CNTNAP2: variants seen among roughly 807,000 people sequenced by gnomAD.
CNTNAP2 encodes contactin associated protein 2, also known as contactin-associated protein-like 2.
In CNTNAP2, 98 loss-of-function variants were observed where a neutral mutation model predicts 155.2. That is an observed-to-expected ratio of 0.63 (90% CI 0.54 to 0.75). The LOEUF (loss-of-function observed/expected upper bound fraction) is 0.75, where lower values mean the gene tolerates loss of function less well. CNTNAP2 is among the 30% of genes least tolerant of loss of function. The probability of loss-of-function intolerance (pLI) is 0.00; values close to 1 mark genes in which losing one functional copy is unlikely to be tolerated. For synonymous variants in CNTNAP2, 651 were observed against 631.2 expected, an observed-to-expected ratio of 1.03 and a Z score of -0.47; for missense variants, 1,727 against 1,688.1, an observed-to-expected ratio of 1.02 and a Z score of -0.40.
intron 11 of CNTNAP2, among the ~76,000 whole-genome samples, chr7:147,491,754 A>G (rs1798613526): frequency 6.6e-6 from 1 of 152,354 alleles, no homozygotes; most frequent in Admixed American, 6.5e-5. Context: ...TGAAGCTATA[A>G]GGAGAGAGTA....
chr7:147,508,600 G>T (rs1798957560), intron 11 of CNTNAP2, among the ~76,000 whole-genome samples: 1 of 152,156 alleles, frequency 6.6e-6, no homozygotes, highest in African/African-American at 2.4e-5. Context: ...TTCTTTGGCT[G>T]TGTCCCCACC....
intron 1 of CNTNAP2, among the ~76,000 whole-genome samples, chr7:146,246,155 T>C (rs934332159): frequency 7.3e-5 from 11 of 151,558 alleles, no homozygotes; most frequent in African/African-American, 2.7e-4. Context: ...GTAAGGGTGA[T>C]TAGGTTTTAA....
intron 15 of CNTNAP2, among the ~76,000 whole-genome samples, chr7:148,114,182 A>G (rs1381680269): frequency 3.3e-5 from 5 of 152,230 alleles, no homozygotes; most frequent in Non-Finnish European, 5.9e-5. Context: ...GTATTGTTCA[A>G]TGAAGTCTAT....
intron 10 of CNTNAP2, among the ~76,000 whole-genome samples, chr7:147,450,546 CTGATGAGTTTGTGGCAATTTGT>C (rs1797814543): frequency 6.6e-6 from 1 of 152,116 alleles, no homozygotes; most frequent in African/African-American, 2.4e-5. Flanking sequence ...TGGTTTTAAG[CTGATGAGTTTGTGGCAATTTGT>C]TATACAGCAA....
chr7:146,233,069 G>T (rs1300747836), intron 1 of CNTNAP2, among the ~76,000 whole-genome samples: 2 of 151,998 alleles, frequency 1.3e-5, no homozygotes, highest in African/African-American at 2.4e-5. Context: ...AATCCCAATT[G>T]ATCCTGCAAA....
At chr7:146,240,511 T>C (rs955728637) in intron 1 of CNTNAP2, among the ~76,000 whole-genome samples, 7 of 151,682 alleles carry the variant, frequency 4.6e-5, no homozygotes, top group Non-Finnish European at 1.0e-4. Flanking sequence ...TGTCTTATGC[T>C]TATGTACATT....
chr7:148,254,846 A>G (rs968056431), intron 20 of CNTNAP2, among the ~76,000 whole-genome samples: 3 of 150,420 alleles, frequency 2.0e-5, no homozygotes, highest in East Asian at 2.0e-4. Context: ...GTTAATATCT[A>G]TTTTCAAAAG....
intron 21 of CNTNAP2, among the ~76,000 whole-genome samples, chr7:148,272,416 TG>T (rs1320960703): frequency 1.3e-5 from 2 of 152,122 alleles, no homozygotes; most frequent in Non-Finnish European, 2.9e-5. Context: ...AAGCCGAAAG[TG>T]GGGTGTTCTG....
rs188663521 is a variant in CNTNAP2 at position 147,274,977 on chromosome 7, T to G, written c.1349-25164T>G. On this transcript the variant is annotated intron_variant, in intron 8 of 23. Coordinates refer to ENST00000361727, the MANE Select transcript of CNTNAP2 (RefSeq NM_014141.6). ...TTGATTTTGTCACAGATCTCTTGGT[T>G]GTGTGTGGCTTTATTTCTGAATCCT... is the stretch of plus-strand genomic sequence containing the variant. 2.7e-3 allele frequency among the ~76,000 whole-genome samples: 415 copies of G among 152,164 alleles called. 3 individuals are homozygous for G. The highest frequency in any genetic ancestry group is 8.9e-3 in the South Asian group (43 of 4,822).
chr7:148,188,001 AT>A (rs1795147114), intron 18 of CNTNAP2, among the ~76,000 whole-genome samples: 2 of 152,012 alleles, frequency 1.3e-5, no homozygotes, highest in South Asian at 4.2e-4. Context: ...GTGCACACAC[AT>A]GCACACACAC....
intron 12 of CNTNAP2, among the ~76,000 whole-genome samples, chr7:147,590,442 CCTTCG>C (rs1459112687): frequency 6.6e-6 from 1 of 152,096 alleles, no homozygotes; most frequent in African/African-American, 2.4e-5. Flanking sequence ...GGAGCTTCCC[CCTTCG>C]CTTAGCACTC....
intron 1 of CNTNAP2, among the ~76,000 whole-genome samples, chr7:146,420,889 G>A (rs1239166071): frequency 6.6e-6 from 1 of 152,044 alleles, no homozygotes; most frequent in Non-Finnish European, 1.5e-5. Flanking sequence ...ATTAATGAAT[G>A]AAGAAAGAAA....
intron 16 of CNTNAP2, among the ~76,000 whole-genome samples, chr7:148,138,409 TTC>T (rs1805000451): frequency 6.6e-6 from 1 of 152,168 alleles, no homozygotes; most frequent in Non-Finnish European, 1.5e-5. Context: ...AAATTCTCCT[TTC>T]TCCTTGCACT....
intron 21 of CNTNAP2, among the ~76,000 whole-genome samples, chr7:148,318,569 G>C (rs185572497): frequency 2.6e-5 from 4 of 152,322 alleles, no homozygotes; most frequent in African/African-American, 9.6e-5. Context: ...CTCACTAGGT[G>C]TTTGGACAGC....
At chr7:146,810,669 T>A (rs1432055087) in intron 2 of CNTNAP2, among the ~76,000 whole-genome samples, 2 of 152,042 alleles carry the variant, frequency 1.3e-5, no homozygotes, top group Admixed American at 6.6e-5. Context: ...ACTTCCATAC[T>A]AGGTTGAATA....
chr7:147,003,553 A>G (rs1798468114), intron 3 of CNTNAP2, among the ~76,000 whole-genome samples: 1 of 152,054 alleles, frequency 6.6e-6, no homozygotes, highest in Non-Finnish European at 1.5e-5. Context: ...TAAAATCTCA[A>G]CTAAAATCAG....
intron 12 of CNTNAP2, among the ~76,000 whole-genome samples, chr7:147,613,684 A>G (rs111897322): frequency 2.0e-5 from 3 of 152,244 alleles, no homozygotes; most frequent in African/African-American, 7.2e-5. Context: ...TCTACTAAAA[A>G]TACAAAAAAT....
At chr7:146,760,110 A>G (rs1585077401) in intron 1 of CNTNAP2, among the ~76,000 whole-genome samples, 1 of 152,164 alleles carries the variant, frequency 6.6e-6, no homozygotes, top group Non-Finnish European at 1.5e-5. Flanking sequence ...CATGAGTTCA[A>G]TTAGATGTGA....
chr7:147,381,538 A>G (rs1454950641), intron 9 of CNTNAP2, among the ~76,000 whole-genome samples: 2 of 152,180 alleles, frequency 1.3e-5, no homozygotes, highest in Admixed American at 6.6e-5. Context: ...CTATTTATCA[A>G]TACACAACTA....
Sources: allele counts gnomAD v4.1 joint callset (sites outside exome capture counted in the v4.1 genomes callset), GRCh38; gene constraint gnomAD v4.1.1; transcripts MANE v1.5; gene names NCBI Gene and HGNC (gene_info 2026-07-23, HGNC 2026-07-21).